Variants in ZNF133 observed in about 807,000 individuals in gnomAD.
ZNF133 encodes zinc finger protein 133 (clone pHZ-13).
In ZNF133, 26 loss-of-function variants were observed where a neutral mutation model predicts 54.9. The ratio of observed to expected loss-of-function variants is 0.47; its 90% CI spans 0.35 to 0.66. The LOEUF (loss-of-function observed/expected upper bound fraction) is 0.66, where lower values mean the gene tolerates loss of function less well. Ranked by LOEUF, ZNF133 falls within the 30% of genes least tolerant of loss-of-function variation. The probability of loss-of-function intolerance (pLI) is 0.01; values close to 1 mark genes in which losing one functional copy is unlikely to be tolerated. For missense variants in ZNF133, 653 were observed against 820.8 expected (o/e 0.80, Z 2.50); for synonymous variants, 298 against 320.3 (o/e 0.93, Z 0.74).
intron 6 of ZNF133, chr20:18,306,628 T>A (rs2044684706): frequency 9.1e-7 from 1 of 1,094,654 alleles, no homozygotes; most frequent in African/African-American, 1.6e-5. Flanking sequence ...TTCCTCCCAG[T>A]GGGTTTCTCC....
chr20:18,315,352 C>T lies in ZNF133; in HGVS notation c.501C>T (p.Ser167=). Residue 167 remains serine (S), a synonymous_variant, in exon 7 of 7, where the codon TCC becomes TCT. Transcript: ENST00000425686. ...RTKKRTLGAF[S]RPPQRQPVSS... ...AGAAAAGGACTCTGGGAGCGTTCTCCAGGCCACCCCAGAGGCAGCCAGTCA... is the reference window on the plus strand; with the variant it reads ...AGAAAAGGACTCTGGGAGCGTTCTCTAGGCCACCCCAGAGGCAGCCAGTCA... The T allele has an allele frequency of 6.2e-7, 1 of 1,614,144 alleles. No individual in the cohort carries two copies. The highest frequency in any genetic ancestry group is 8.5e-7 in the Non-Finnish European group (1 of 1,180,020).
At chr20:18,308,099 T>C (rs1016726344) in intron 6 of ZNF133, among the ~76,000 whole-genome samples, 3 of 152,146 alleles carry the variant, frequency 2.0e-5, no homozygotes, top group Non-Finnish European at 4.4e-5. Context: ...GGGGATAGAA[T>C]TGGGGAGGGT....
At position 18,316,067 on chromosome 20, in the gene ZNF133, A is replaced by G; in HGVS notation, c.1216A>G (p.Lys406Glu). 6.2e-7 allele frequency: 1 copy of G among 1,612,564 alleles called. No individual in the cohort carries two copies. The highest frequency in any genetic ancestry group is 1.1e-5 in the South Asian group (1 of 90,990). The change falls in exon 7 of 7, where the codon AAG (lysine) becomes GAG (glutamate). Residue 406 changes from lysine to glutamate, a missense_variant. By Grantham distance (56) the Lys-to-Glu change is moderately conservative. Around this residue, in one of 4 missense-constraint regions of ZNF133, gnomAD observed 292 missense variants for 431.6 expected, o/e 0.68. Coordinates refer to ENST00000425686, the MANE Select transcript of ZNF133 (RefSeq NM_001352452.2). ...TLVNHQRTHS[K>E]EKPYVCGVCG... is the part of the protein sequence containing the mutation. ...TGTCAACCACCAGAGGACACACTCA[A>G]AGGAGAAGCCCTATGTGTGCGGGGT... is the stretch of plus-strand genomic sequence containing the variant.
intron 3 of ZNF133, among the ~76,000 whole-genome samples, chr20:18,303,103 G>A (rs920650246): frequency 6.6e-6 from 1 of 151,252 alleles, no homozygotes; most frequent in Admixed American, 6.6e-5. Context: ...CTGGAGTGCA[G>A]TGGCATGATC....
rs753937528 is a variant in ZNF133 at position 18,316,654 on chromosome 20, G to T, written c.1803G>T (p.Thr601=). The change falls in exon 7 of 7, where the codon ACG becomes ACT. Residue 601 remains threonine, a synonymous_variant. Coordinates refer to ENST00000425686, the MANE Select transcript of ZNF133 (RefSeq NM_001352452.2). ...SHLTLHQMTH[T]GEKPYVCKTC... Reference sequence around the variant, plus strand: ...TCACCTTACATCAAATGACACATACGGGGGAGAAGCCATATGTGTGCAAGA... The same window carrying T: ...TCACCTTACATCAAATGACACATACTGGGGAGAAGCCATATGTGTGCAAGA... 8.7e-6 allele frequency: 14 copies of T among 1,612,232 alleles called. No individual in the cohort carries two copies. The highest frequency in any genetic ancestry group is 1.7e-4 in the Middle Eastern group (1 of 6,048).
intron 6 of ZNF133, chr20:18,310,219 A>G (rs2045560972): frequency 2.0e-6 from 3 of 1,503,548 alleles, no homozygotes; most frequent in African/African-American, 1.4e-5. Flanking sequence ...AGAATGCTGT[A>G]CAATCCAAGG....
intron 1 of ZNF133, chr20:18,289,775 C>T (rs977601904): frequency 6.6e-6 from 1 of 152,182 alleles, no homozygotes; most frequent in African/African-American, 2.4e-5. Context: ...ATAACAGGCA[C>T]AGAGAAGGTC....
At chr20:18,294,988 G>T (rs532611417) in intron 1 of ZNF133, among the ~76,000 whole-genome samples, 1 of 152,298 alleles carries the variant, frequency 6.6e-6, no homozygotes, top group East Asian at 1.9e-4. Flanking sequence ...AAATGAATGA[G>T]AACTTTTCCC....
At chr20:18,298,775 A>C (rs1668773301) in intron 3 of ZNF133, among the ~76,000 whole-genome samples, 1 of 152,112 alleles carries the variant, frequency 6.6e-6, no homozygotes, top group Admixed American at 6.5e-5. Flanking sequence ...CCCCCACTGA[A>C]GTTCTCTTTT....
Position 18,315,385 on chromosome 20 carries a change from G to T in ZNF133, c.534G>T (p.Arg178=), listed in dbSNP as rs774305591. Residue 178 remains arginine (R), a synonymous_variant, in exon 7 of 7, where the codon CGG becomes CGT. Coordinates refer to ENST00000425686, the MANE Select transcript of ZNF133 (RefSeq NM_001352452.2). ...CCCAGAGGCAGCCAGTCAGCTCTCG[G>T]AACGGCCTCAGAGGGGTGGAGTTAG... ...RPPQRQPVSS[R]NGLRGVELEA... is the part of the protein sequence containing the mutation. 1.9e-6 allele frequency: 3 copies of T among 1,614,174 alleles called. No homozygotes were observed. In the East Asian group the frequency reaches 6.7e-5, roughly 36 times the overall value.
Position 18,305,020 on chromosome 20 carries a change from T to C in ZNF133, c.-165T>C. On this transcript the variant is annotated 5_prime_UTR_variant, in exon 4 of 7. Transcript: ENST00000425686. This position sits in a 1 kb window ranked among gnomAD's most constrained non-coding sequence, Gnocchi z 4.7. ...ATCTCTATTCCAGTGTGTCCTCCAT[T>C]TGGAAGTAGTGCTAAGAAAATTAAA... 4 of 985,362 alleles carry C rather than the reference T, an allele frequency of 4.1e-6. No homozygotes were observed. Among genetic ancestry groups the C allele is most frequent in the Non-Finnish European group, 4.8e-6 (4 of 829,962 alleles). 61.0% of individuals were successfully genotyped at this position (985,362 alleles called of 1,614,324 possible). A position where few individuals can be genotyped will look rare whatever the true frequency, so the allele number is the denominator to read the frequency against.
chr20:18,289,108 A>C (rs533409672), intron 1 of ZNF133, among the ~76,000 whole-genome samples: 18 of 149,412 alleles, frequency 1.2e-4, no homozygotes, highest in Non-Finnish European at 2.0e-4. Context: ...GCTTTGCTGG[A>C]GTGGAATGAG....
chr20:18,315,392 C>T lies in ZNF133; in HGVS notation c.541C>T (p.Leu181Phe). The change falls in exon 7 of 7, where the codon CTC becomes TTC. Residue 181 changes from leucine to phenylalanine, a missense_variant. Leu to Phe is a conservative substitution (Grantham distance 22, BLOSUM62 0). Around this residue, in one of 4 missense-constraint regions of ZNF133, gnomAD observed 227 missense variants for 233.9 expected, o/e 0.97. Transcript: ENST00000425686. ...QRQPVSSRNG[L>F]RGVELEASPA... is the part of the protein sequence containing the mutation. ...GCAGCCAGTCAGCTCTCGGAACGGC[C>T]TCAGAGGGGTGGAGTTAGAAGCCAG... is the stretch of plus-strand genomic sequence containing the variant. 1.2e-6 allele frequency: 2 copies of T among 1,614,180 alleles called. No homozygotes were observed. Among genetic ancestry groups the T allele is most frequent in the Non-Finnish European group, 1.7e-6 (2 of 1,180,030 alleles).
In ZNF133 at chr20:18,308,338, A is replaced by G. The variant is rs186957819; in HGVS notation, c.217+1945A>G. ...TGTCTTCAAATTGAGGGACCATAGC[A>G]TACATAATATAAATTGTCGCTGTTT... On this transcript the variant is annotated intron_variant, in intron 6 of 6. Transcript: ENST00000425686. Among the ~76,000 whole-genome samples, 291 of 152,298 alleles carry G rather than the reference A, an allele frequency of 1.9e-3. 1 individual carries two copies. The highest frequency in any genetic ancestry group is 3.4e-3 in the Non-Finnish European group (234 of 68,018).
intron 3 of ZNF133, among the ~76,000 whole-genome samples, chr20:18,304,297 C>A (rs2044111774): frequency 6.6e-6 from 1 of 152,086 alleles, no homozygotes; most frequent in South Asian, 2.1e-4. Flanking sequence ...AAAACAGAAC[C>A]CTTGTGCATT....
At chr20:18,312,719 T>C (rs2300817) in intron 6 of ZNF133, 3 of 128,934 alleles carry the variant, frequency 2.3e-5, no homozygotes, top group East Asian at 4.0e-4. Context: ...ATTTTATTTA[T>C]TTTTTATTTT....
At position 18,315,668 on chromosome 20, in the gene ZNF133, A is replaced by G; in HGVS notation, c.817A>G (p.Arg273Gly). 3.7e-6 allele frequency: 6 copies of G among 1,614,062 alleles called. No homozygotes were observed. The highest frequency in any genetic ancestry group is 5.1e-6 in the Non-Finnish European group (6 of 1,179,964). Residue 273 changes from arginine (R) to glycine (G), a missense_variant, in exon 7 of 7, where the codon AGG (arginine) becomes GGG (glycine). Arg to Gly is a moderately radical substitution (Grantham distance 125). This residue lies in a region of ZNF133 where 292 missense variants were observed against 431.6 expected (regional missense o/e 0.68). Coordinates refer to ENST00000425686, the MANE Select transcript of ZNF133 (RefSeq NM_001352452.2). ...CTCGGGGGAGAAGCCAATTGTGTGC[A>G]GGGAGTGTGGACGAGGCTTTAACCG... is the stretch of plus-strand genomic sequence containing the variant. ...AHSGEKPIVC[R>G]ECGRGFNRKS...
rs1472135887 is a variant in ZNF133, at chr20:18,315,403, G to A, written c.552G>A (p.Val184=). 6.2e-7 allele frequency: 1 copy of A among 1,613,992 alleles called. No homozygotes were observed. The highest frequency in any genetic ancestry group is 2.2e-5 in the East Asian group (1 of 44,884). The change falls in exon 7 of 7, where the codon GTG becomes GTA. Residue 184 remains valine, a synonymous_variant. Transcript: ENST00000425686. ...PVSSRNGLRG[V]ELEASPAQSG... is the part of the protein sequence containing the mutation. Reference sequence around the variant, plus strand: ...GCTCTCGGAACGGCCTCAGAGGGGTGGAGTTAGAAGCCAGCCCAGCTCAGT... The same window carrying A: ...GCTCTCGGAACGGCCTCAGAGGGGTAGAGTTAGAAGCCAGCCCAGCTCAGT...
chr20:18,304,116 CAA>C, intron 3 of ZNF133, among the ~76,000 whole-genome samples: 1 of 152,166 alleles, frequency 6.6e-6, no homozygotes, highest in South Asian at 2.1e-4. Flanking sequence ...GTCATTTTTG[CAA>C]AGATATACAT....
Sources: gnomAD v4.1 joint callset for allele counts (sites outside exome capture counted in the v4.1 genomes callset) on GRCh38, gnomAD v4.1.1 for gene constraint, gnomAD v4.1.1 regional missense constraint, Gnocchi (gnomAD v3.1) non-coding constraint, MANE v1.5 for transcripts, NCBI Gene and HGNC (gene_info 2026-07-23, HGNC 2026-07-21) for gene names.